Variants in MAK observed in about 807,000 individuals in gnomAD.
MAK encodes serine/threonine-protein kinase MAK.
Under a neutral mutation model 82.6 loss-of-function variants are expected in MAK, and 65 were observed. The observed-to-expected ratio is 0.79, with a 90% CI of 0.64 to 0.97. The LOEUF is 0.97. MAK is among the 50% of genes least tolerant of loss of function. MAK has a pLI of 0.00. For missense variants in MAK, 703 were observed against 780.2 expected (o/e 0.90, Z 1.18); for synonymous variants, 250 against 274.2 (o/e 0.91, Z 0.87).
chr6:10,803,619 C>T, intron 7 of MAK, 101 bp downstream of exon 7: 5 of 938,422 alleles, frequency 5.3e-6, no homozygotes, highest in Non-Finnish European at 8.3e-6. Flanking sequence ...TATCAGATAT[C>T]TAGGCAAAAG....
rs548999881 is a variant in MAK, at chr6:10,797,187, C to T, written c.832-878G>A. 2.6e-5 allele frequency among the ~76,000 whole-genome samples: 4 copies of T among 152,042 alleles called. No homozygotes were observed. The South Asian group carries it at 8.3e-4, about 32-fold the overall frequency. On this transcript the variant is annotated intron_variant, in intron 8 of 14. Coordinates refer to ENST00000354489, the MANE Select transcript of MAK (RefSeq NM_001242957.3). ...TGTTGAAGTTTATTTCATCGGTATA[C>T]CAGCAAAGAGAAGACATTTATGGGA...
intron 6 of MAK, among the ~76,000 whole-genome samples, 179 bp downstream of exon 6, chr6:10,808,630 CT>C (rs749553709): frequency 1.7e-4 from 26 of 150,262 alleles, no homozygotes; most frequent in African/African-American, 5.6e-4. Context: ...ATTCTTTTTC[CT>C]TTTTTTTTCA....
chr6:10,820,958 A>AT (rs1010363355), intron 2 of MAK, among the ~76,000 whole-genome samples: 7 of 151,796 alleles, frequency 4.6e-5, no homozygotes, highest in African/African-American at 1.2e-4. Context: ...TATTTATTTT[A>AT]TTTTTTTTGA....
At chr6:10,766,569 GAA>G (rs1772453515) in intron 14 of MAK, among the ~76,000 whole-genome samples, 1 of 152,346 alleles carries the variant, frequency 6.6e-6, no homozygotes, top group South Asian at 2.1e-4. Context: ...ATGTTTTCCA[GAA>G]AGAGCCCTTT....
chr6:10,764,139 GT>G lies in MAK; in HGVS notation c.*312del, dbSNP rs769006848. The G allele has an allele frequency of 2.1e-4, 54 of 261,102 alleles. No homozygotes were observed. The highest frequency in any genetic ancestry group is 4.6e-4 in the East Asian group (5 of 10,954). 16.2% of individuals were successfully genotyped at this position (261,102 alleles called of 1,614,324 possible). ...ACACTCTAAACATTTTCTGGAAGTTGTTTTTTTTTAAGGGTTCTTATTGGAT... is the reference window on the plus strand; with the variant it reads ...ACACTCTAAACATTTTCTGGAAGTTGTTTTTTTTAAGGGTTCTTATTGGAT... On this transcript the variant is annotated 3_prime_UTR_variant, in exon 15 of 15. Transcript: ENST00000354489.
intron 11 of MAK, among the ~76,000 whole-genome samples, chr6:10,778,495 C>G (rs1240216175): frequency 6.6e-6 from 1 of 152,150 alleles, no homozygotes; most frequent in Non-Finnish European, 1.5e-5. Flanking sequence ...GGATACAACT[C>G]CCACATGCTT....
intron 2 of MAK, 56 bp from the exon 3 acceptor site, chr6:10,818,996 A>T (rs1287730366): frequency 3.2e-6 from 3 of 950,208 alleles, no homozygotes; most frequent in Non-Finnish European, 3.4e-6. Flanking sequence ...AAAGACACAC[A>T]TTACACTGTT....
intron 7 of MAK, chr6:10,802,428 C>CCT (rs1776093855): frequency 4.7e-6 from 1 of 213,086 alleles, no homozygotes; most frequent in Non-Finnish European, 9.4e-6. Context: ...ACCTCAGACT[C>CCT]CTGAGTAGCT....
In MAK at chr6:10,791,814, T is replaced by TA. The variant is rs753698504; in HGVS notation, c.1176dup (p.Arg393Ter). The TA allele has an allele frequency of 2.5e-6, 4 of 1,614,192 alleles. No individual in the cohort carries two copies. In the South Asian group the frequency reaches 3.3e-5, roughly 13 times the overall value. Reference sequence around the variant, plus strand: ...AAGATAGTCTGACCCCAACGCCTCCTACCACTTTTATGACTCAGTGTGCCA... The same window carrying TA: ...AAGATAGTCTGACCCCAACGCCTCCTAACCACTTTTATGACTCAGTGTGCCA... On this transcript the variant is annotated frameshift_variant, in exon 10 of 15. Coordinates refer to ENST00000354489, the MANE Select transcript of MAK (RefSeq NM_001242957.3). LOFTEE classifies it high-confidence loss of function.
chr6:10,767,682 C>T (rs887691532), intron 14 of MAK, among the ~76,000 whole-genome samples: 2 of 151,266 alleles, frequency 1.3e-5, no homozygotes, highest in Non-Finnish European at 2.9e-5. Context: ...CCAGCTACTC[C>T]GGAGGCTGAG....
At position 10,808,835 on chromosome 6, in the gene MAK, A is replaced by T. The variant is rs1298642816; in HGVS notation, c.466T>A (p.Tyr156Asn). The change falls in exon 6 of 15, where the codon TAC becomes AAC. Residue 156 changes from tyrosine (Y) to asparagine (N), a missense_variant. Transcript: ENST00000354489. ...LARELRSQPP[Y>N]TDYVSTRWYR... ...CATCTGGTAGATACATAATCAGTGT[A>T]TGGTGGCTGTGACCTTAATTCTCTT... 1 of 1,614,086 alleles carries T rather than the reference A, an allele frequency of 6.2e-7. No individual in the cohort carries two copies. Among genetic ancestry groups the T allele is most frequent in the South Asian group, 1.1e-5 (1 of 91,088 alleles).
intron 1 of MAK, among the ~76,000 whole-genome samples, 160 bp from the exon 2 acceptor site, chr6:10,831,037 T>C (rs901629381): frequency 6.6e-6 from 1 of 152,218 alleles, no homozygotes; most frequent in African/African-American, 2.4e-5. Context: ...GAAGTTCACA[T>C]ATAACTCACT....
intron 5 of MAK, among the ~76,000 whole-genome samples, chr6:10,812,170 A>AC (rs1246158790): frequency 6.6e-6 from 1 of 152,214 alleles, no homozygotes; most frequent in African/African-American, 2.4e-5. Flanking sequence ...ACTGCACTCC[A>AC]GCCTGGGCAT....
At chr6:10,782,546 A>G (rs950623889) in intron 11 of MAK, among the ~76,000 whole-genome samples, 40 of 146,386 alleles carry the variant, frequency 2.7e-4, no homozygotes, top group Admixed American at 3.4e-4. Flanking sequence ...CTTTTCCCCA[A>G]TTACTAACAG....
chr6:10,777,663 A>G (rs1009068521), intron 11 of MAK, among the ~76,000 whole-genome samples: 1 of 152,090 alleles, frequency 6.6e-6, no homozygotes, highest in Non-Finnish European at 1.5e-5. Flanking sequence ...TTTGAGACAG[A>G]CTTTTGCTAT....
At chr6:10,807,261 C>G (rs1481552676) in intron 6 of MAK, among the ~76,000 whole-genome samples, 1 of 150,192 alleles carries the variant, frequency 6.7e-6, no homozygotes, top group African/African-American at 2.4e-5. Flanking sequence ...CTCCCCATCT[C>G]CCCCAACTCC....
intron 10 of MAK, among the ~76,000 whole-genome samples, chr6:10,789,693 TCTCA>T (rs1774911027): frequency 6.6e-6 from 1 of 152,222 alleles, no homozygotes; most frequent in South Asian, 2.1e-4. Flanking sequence ...GGAGTCTCAC[TCTCA>T]CTCAGGCTGG....
At chr6:10,785,289 T>G (rs769579776) in intron 10 of MAK, among the ~76,000 whole-genome samples, 6 of 152,140 alleles carry the variant, frequency 3.9e-5, no homozygotes, top group Non-Finnish European at 7.4e-5. Flanking sequence ...CAGGCAGCAG[T>G]GCGTGAGGCG....
Position 10,775,255 on chromosome 6 carries a change from A to G in MAK, c.1597+73T>C, listed in dbSNP as rs535074474. 75 of 1,542,908 alleles carry G rather than the reference A, an allele frequency of 4.9e-5. 1 individual carries two copies. In the Admixed American group the frequency reaches 1.0e-3, roughly 21 times the overall value. On this transcript the variant is annotated intron_variant, in intron 12 of 14. Coordinates refer to ENST00000354489, the MANE Select transcript of MAK (RefSeq NM_001242957.3). ...GCACATGTATCTTGGTTGGAAGAGC[A>G]CTGCAATATATTTAAAAGTAGACCT...
Sources: allele counts gnomAD v4.1 joint callset (sites outside exome capture counted in the v4.1 genomes callset), GRCh38; gene constraint gnomAD v4.1.1; transcripts MANE v1.5; gene names NCBI Gene and HGNC (gene_info 2026-07-23, HGNC 2026-07-21).